VCL: variants seen among roughly 807,000 people sequenced by gnomAD.
VCL encodes epididymis luminal protein 114.
In VCL, 47 loss-of-function variants were observed where a neutral mutation model predicts 125.7. The observed-to-expected ratio is 0.37, with a 90% CI of 0.30 to 0.48. VCL has a LOEUF of 0.48. Among genes scored for constraint, VCL ranks in the 20% least tolerant of loss-of-function variants. VCL has a pLI of 0.99. For synonymous variants in VCL, 458 were observed against 514.6 expected (o/e 0.89, Z 1.49); for missense variants, 1,069 against 1,455.5 (o/e 0.73, Z 4.32).
At chr10:74,094,485 C>A in intron 11 of VCL, 24 bp downstream of exon 11, 19 of 1,607,310 alleles carry the variant, frequency 1.2e-5, no homozygotes, top group Non-Finnish European at 1.5e-5. Context: ...TGCACTATAA[C>A]CTCATTAAAT....
chr10:74,009,884 A>G (rs951072603), intron 1 of VCL, among the ~76,000 whole-genome samples: 4 of 151,944 alleles, frequency 2.6e-5, no homozygotes, highest in African/African-American at 9.7e-5. Context: ...TTGGGATTAC[A>G]GGCATGAACC....
chr10:74,083,750 G>T (rs185339558), intron 8 of VCL, among the ~76,000 whole-genome samples: 135 of 152,282 alleles, frequency 8.9e-4, no homozygotes, highest in African/African-American at 3.2e-3. Context: ...GGAGTGCGGT[G>T]GTGCGATCTT....
chr10:74,113,207 A>C (rs1002628189), intron 19 of VCL, among the ~76,000 whole-genome samples: 1 of 152,196 alleles, frequency 6.6e-6, no homozygotes, highest in African/African-American at 2.4e-5. Flanking sequence ...AGTTGCTATG[A>C]CTTGGGGTTG....
chr10:74,052,375 T>G (rs986206613), intron 2 of VCL, among the ~76,000 whole-genome samples: 5 of 59,544 alleles, frequency 8.4e-5, no homozygotes, highest in South Asian at 3.8e-4. Flanking sequence ...CTTCAGTTAG[T>G]TTTTTTTTTT....
At chr10:74,063,962 C>G (rs1388921129) in intron 2 of VCL, 1 of 152,062 alleles carries the variant, frequency 6.6e-6, no homozygotes, top group Non-Finnish European at 1.5e-5. Context: ...CACTAACTAT[C>G]CAGAGTTAGT....
chr10:74,070,688 C>CA lies in VCL; in HGVS notation c.260dup (p.Leu88AlafsTer23), dbSNP rs1397875262. 1 of 1,614,092 alleles carries CA rather than the reference C, an allele frequency of 6.2e-7. No homozygotes were observed. ...CCTATAGGGTTGAGAATGCTTGCAC[C>CA]AAGCTTGTCCAGGCAGCTCAGATGC... On this transcript the variant is annotated frameshift_variant, in exon 3 of 22. Coordinates refer to ENST00000211998, the MANE Select transcript of VCL (RefSeq NM_014000.3). LOFTEE classifies it high-confidence loss of function.
At position 74,071,110 on chromosome 10, in the gene VCL, T is replaced by C. The variant is rs776855838; in HGVS notation, c.499+27T>C. ...TTAGTTTTATCCAATTTCTATAACA[T>C]TTTTTAAGGATTGTCCATGTTGGAG... is the stretch of plus-strand genomic sequence containing the variant. On this transcript the variant is annotated intron_variant, in intron 4 of 21. Transcript: ENST00000211998. The surrounding 1 kb of genome is among the most constrained non-coding windows in gnomAD (Gnocchi z 4.1). The C allele has an allele frequency of 1.2e-6, 2 of 1,604,076 alleles. No individual in the cohort carries two copies. The highest frequency in any genetic ancestry group is 2.7e-5 in the African/African-American group (2 of 74,738).
intron 1 of VCL, among the ~76,000 whole-genome samples, chr10:74,035,492 C>T (rs1471757083): frequency 6.6e-6 from 1 of 152,106 alleles, no homozygotes; most frequent in Non-Finnish European, 1.5e-5. Context: ...TGCCCCCAGG[C>T]CTCTTATTCA....
chr10:74,058,188 G>A (rs984687035), intron 2 of VCL, among the ~76,000 whole-genome samples: 7 of 152,146 alleles, frequency 4.6e-5, no homozygotes, highest in African/African-American at 1.7e-4. Flanking sequence ...ATGACAGTGA[G>A]GGAGGTGCTG....
intron 1 of VCL, among the ~76,000 whole-genome samples, chr10:74,011,016 A>G (rs909323073): frequency 2.6e-4 from 39 of 151,738 alleles, no homozygotes; most frequent in African/African-American, 8.5e-4. Flanking sequence ...CTAAAAATTC[A>G]AAAAATTGGC....
At chr10:74,016,133 A>G (rs546800544) in intron 1 of VCL, among the ~76,000 whole-genome samples, 2 of 152,118 alleles carry the variant, frequency 1.3e-5, no homozygotes, top group African/African-American at 4.8e-5. Context: ...ATCCAGCCTA[A>G]ATGACAGTCT....
intron 2 of VCL, among the ~76,000 whole-genome samples, chr10:74,065,013 A>G (rs1024910838): frequency 1.3e-5 from 2 of 152,126 alleles, no homozygotes; most frequent in African/African-American, 4.8e-5. Context: ...AATGACAAAA[A>G]CACTACCTAT....
At chr10:74,082,355 G>A in intron 6 of VCL, 99 bp from the exon 7 acceptor site, 1 of 1,280,094 alleles carries the variant, frequency 7.8e-7, no homozygotes, top group Non-Finnish European at 1.1e-6. Context: ...GACTACCTTA[G>A]CTATGTATGT....
intron 8 of VCL, among the ~76,000 whole-genome samples, chr10:74,087,553 G>C (rs989984438): frequency 6.9e-6 from 1 of 144,014 alleles, no homozygotes; most frequent in East Asian, 2.1e-4. Context: ...GTAGAGACGG[G>C]GTTTCAGCGT....
intron 4 of VCL, 135 bp from the exon 5 acceptor site, chr10:74,072,595 G>T: frequency 1.6e-6 from 2 of 1,243,902 alleles, no homozygotes; most frequent in South Asian, 2.5e-5. Context: ...AGAGTTCAGT[G>T]ATGGTGTCTG....
At chr10:74,094,154 A>G (rs1055255296) in intron 10 of VCL, 117 bp from the exon 11 acceptor site, 3 of 1,284,744 alleles carry the variant, frequency 2.3e-6, no homozygotes, top group South Asian at 1.4e-5. Flanking sequence ...CTTTCAAACC[A>G]AATTAATAGT....
chr10:74,022,743 TCTC>T (rs1162027410), intron 1 of VCL, among the ~76,000 whole-genome samples: 1 of 151,514 alleles, frequency 6.6e-6, no homozygotes, highest in Non-Finnish European at 1.5e-5. Flanking sequence ...TTCAAGCAAT[TCTC>T]CTGCCTCAGC....
chr10:73,998,188 C>G lies in VCL; in HGVS notation c.-20C>G. The G allele has an allele frequency of 9.9e-6, 16 of 1,609,864 alleles. No individual in the cohort carries two copies. The highest frequency in any genetic ancestry group is 1.4e-5 in the Non-Finnish European group (16 of 1,178,204). ...CTACTTCTCTGTCGCCCGCGGTTCG[C>G]CGCCCCGCTCGCCGCCGCGATGCCA... On this transcript the variant is annotated 5_prime_UTR_variant, in exon 1 of 22. Coordinates refer to ENST00000211998, the MANE Select transcript of VCL (RefSeq NM_014000.3).
chr10:74,031,923 G>T (rs775737714), intron 1 of VCL, among the ~76,000 whole-genome samples: 4 of 151,896 alleles, frequency 2.6e-5, no homozygotes, highest in Non-Finnish European at 5.9e-5. Context: ...AATTAGCCAG[G>T]CGTGGTGGTG....
Sources: gnomAD v4.1 joint callset for allele counts (sites outside exome capture counted in the v4.1 genomes callset) on GRCh38, gnomAD v4.1.1 for gene constraint, Gnocchi (gnomAD v3.1) non-coding constraint, MANE v1.5 for transcripts, NCBI Gene and HGNC (gene_info 2026-07-23, HGNC 2026-07-21) for gene names.